The following FAM185A variants were observed in gnomAD, a reference collection of about 807,000 sequenced individuals.
FAM185A encodes family with sequence similarity 185 member A.
In FAM185A, 21 loss-of-function variants were observed where a neutral mutation model predicts 45.7. The ratio of observed to expected loss-of-function variants is 0.46; its 90% CI spans 0.33 to 0.66. The LOEUF (loss-of-function observed/expected upper bound fraction) is 0.66, where lower values mean the gene tolerates loss of function less well. Among genes scored for constraint, FAM185A ranks in the 30% least tolerant of loss-of-function variants. FAM185A has a pLI of 0.03. For synonymous variants in FAM185A, 117 were observed against 194.0 expected, an observed-to-expected ratio of 0.60 and a Z score of 3.30; for missense variants, 305 against 485.4, an observed-to-expected ratio of 0.63 and a Z score of 3.49.
chr7:102,790,232 G>C (rs1796067125), intron 7 of FAM185A, among the ~76,000 whole-genome samples: 1 of 152,162 alleles, frequency 6.6e-6, no homozygotes. Flanking sequence ...AGTGGAGTGG[G>C]TTTGTTTACA....
At chr7:102,818,218 A>G in the FAM185A span, among the ~76,000 whole-genome samples, 8 of 152,196 alleles carry the variant, frequency 5.3e-5, no homozygotes, top group African/African-American at 1.9e-4. Flanking sequence ...GCACGTGTCT[A>G]CCCTTACTGA....
intron 7 of FAM185A, among the ~76,000 whole-genome samples, chr7:102,787,976 GTTGT>G (rs1271417646): frequency 6.6e-6 from 1 of 151,876 alleles, no homozygotes; most frequent in Non-Finnish European, 1.5e-5. Flanking sequence ...TGGTTTTTTT[GTTGT>G]TTGAGACAGA....
intron 4 of FAM185A, among the ~76,000 whole-genome samples, chr7:102,767,575 G>A (rs992568376): frequency 9.8e-4 from 144 of 146,540 alleles, no homozygotes; most frequent in African/African-American, 3.4e-3. Flanking sequence ...TATTCTCCAG[G>A]ATTTCATCCT....
chr7:102,753,839 A>G (rs2539367), intron 2 of FAM185A, among the ~76,000 whole-genome samples: 1 of 150,444 alleles, frequency 6.6e-6, no homozygotes, highest in African/African-American at 2.4e-5. Flanking sequence ...CAGGATAGAA[A>G]GAGTTTTGTT....
chr7:102,839,392 C>T, the FAM185A span, among the ~76,000 whole-genome samples: 87 of 152,232 alleles, frequency 5.7e-4, no homozygotes, highest in African/African-American at 2.0e-3. Flanking sequence ...AGCGCCAGTC[C>T]CCTGGGCCCA....
At chr7:102,844,176 C>A in the FAM185A span, among the ~76,000 whole-genome samples, 1 of 152,186 alleles carries the variant, frequency 6.6e-6, no homozygotes, top group African/African-American at 2.4e-5. Flanking sequence ...TGAACTGTCT[C>A]TGTTAGAGAT....
intron 7 of FAM185A, among the ~76,000 whole-genome samples, chr7:102,802,850 T>A (rs1796876073): frequency 6.6e-6 from 1 of 151,798 alleles, no homozygotes; most frequent in Non-Finnish European, 1.5e-5. Context: ...ATAGCCTCAA[T>A]AAGAAACAAA....
intron 6 of FAM185A, among the ~76,000 whole-genome samples, chr7:102,783,780 A>G (rs1795575398): frequency 6.6e-6 from 1 of 152,192 alleles, no homozygotes; most frequent in Non-Finnish European, 1.5e-5. Flanking sequence ...AGAACTAGAG[A>G]AGCAAGAGCA....
intron 2 of FAM185A, among the ~76,000 whole-genome samples, chr7:102,756,301 C>T (rs1460226407): frequency 6.6e-6 from 1 of 152,030 alleles, no homozygotes; most frequent in Non-Finnish European, 1.5e-5. Flanking sequence ...TGATCCATAT[C>T]TCTTTATGTA....
chr7:102,826,755 A>ATATATATG, the FAM185A span, among the ~76,000 whole-genome samples: 7 of 114,736 alleles, frequency 6.1e-5, no homozygotes, highest in Admixed American at 2.1e-4. Flanking sequence ...ATATATATAT[A>ATATATATG]TATATATATA....
the FAM185A span, among the ~76,000 whole-genome samples, chr7:102,849,119 T>C: frequency 2.0e-5 from 3 of 152,204 alleles, no homozygotes; most frequent in Non-Finnish European, 2.9e-5. Flanking sequence ...CCCATTTCTT[T>C]GCCATACTTT....
downstream of FAM185A, chr7:102,813,341 G>T: frequency 1.9e-6 from 3 of 1,603,020 alleles, no homozygotes; most frequent in African/African-American, 1.3e-5. Context: ...GAGGCTGAAG[G>T]TCACGCTGCT....
chr7:102,832,990 A>C, the FAM185A span: 2 of 1,613,806 alleles, frequency 1.2e-6, no homozygotes, highest in South Asian at 2.2e-5. Context: ...AAAAATTCCA[A>C]GGTCAAATTT....
At chr7:102,829,966 G>A in the FAM185A span, among the ~76,000 whole-genome samples, 1 of 152,146 alleles carries the variant, frequency 6.6e-6, no homozygotes, top group Non-Finnish European at 1.5e-5. Flanking sequence ...ATACTCATCT[G>A]ACCCACAGTC....
intron 7 of FAM185A, among the ~76,000 whole-genome samples, chr7:102,796,518 T>C (rs956795937): frequency 6.6e-6 from 1 of 152,228 alleles, no homozygotes; most frequent in Non-Finnish European, 1.5e-5. Flanking sequence ...ATAAACTAAG[T>C]TCCTCCCAAA....
the FAM185A span, among the ~76,000 whole-genome samples, chr7:102,844,375 A>G: frequency 6.6e-6 from 1 of 152,220 alleles, no homozygotes; most frequent in Non-Finnish European, 1.5e-5. Context: ...ATTCATCATT[A>G]CTAGAACTAA....
At chr7:102,795,920 A>G (rs187200854) in intron 7 of FAM185A, among the ~76,000 whole-genome samples, 26 of 152,374 alleles carry the variant, frequency 1.7e-4, no homozygotes, top group Admixed American at 6.5e-4. Context: ...CCAACAAAGT[A>G]AAATTCACAA....
chr7:102,833,596 CTTT>C, the FAM185A span, among the ~76,000 whole-genome samples: 2 of 138,202 alleles, frequency 1.4e-5, no homozygotes, highest in Admixed American at 1.4e-4. Flanking sequence ...CCGGCTAATT[CTTT>C]TTTTTTTTTT....
intron 7 of FAM185A, among the ~76,000 whole-genome samples, chr7:102,806,790 A>G (rs1353117668): frequency 6.6e-6 from 1 of 152,208 alleles, no homozygotes; most frequent in Middle Eastern, 3.2e-3. Context: ...TATGACCTTG[A>G]AAGAGTTTCC....
Sources: gnomAD v4.1 joint callset for allele counts (sites outside exome capture counted in the v4.1 genomes callset) on GRCh38, gnomAD v4.1.1 for gene constraint, MANE v1.5 for transcripts, NCBI Gene and HGNC (gene_info 2026-07-23, HGNC 2026-07-21) for gene names.